Variants in MATN2 observed in about 807,000 individuals in gnomAD.
MATN2 encodes matrilin-2.
Under a neutral mutation model 103.2 loss-of-function variants are expected in MATN2, and 69 were observed. The observed-to-expected ratio is 0.67, with a 90% confidence interval of 0.55 to 0.82. MATN2 has a LOEUF of 0.82. MATN2 is among the 40% of genes least tolerant of loss of function. MATN2 has a pLI of 0.00. For synonymous variants in MATN2, 429 were observed against 450.2 expected, an observed-to-expected ratio of 0.95 and a Z score of 0.60; for missense variants, 1,023 against 1,211.5, an observed-to-expected ratio of 0.84 and a Z score of 2.31.
At chr8:98,000,684 T>C (rs1284659836) in intron 7 of MATN2, among the ~76,000 whole-genome samples, 1 of 151,808 alleles carries the variant, frequency 6.6e-6, no homozygotes, top group African/African-American at 2.4e-5. Context: ...TGGCACAGCA[T>C]CTGGCATTCA....
At chr8:97,947,085 A>G (rs1810776495) in intron 4 of MATN2, among the ~76,000 whole-genome samples, 1 of 152,210 alleles carries the variant, frequency 6.6e-6, no homozygotes. Flanking sequence ...ATAATTAATC[A>G]TAGTGGCGAG....
rs1812870862 is a variant in MATN2, at chr8:98,003,906, A to G, written c.1327+123A>G. The G allele has an allele frequency of 1.4e-5, 14 of 1,011,782 alleles. 1 individual carries two copies. In the Middle Eastern group the frequency reaches 3.9e-3, roughly 285 times the overall value. The allele number at this position is 1,011,782 out of a possible 1,614,324, so 62.7% of individuals were successfully genotyped here. A position where few individuals can be genotyped will look rare whatever the true frequency, so the allele number is the denominator to read the frequency against. On this transcript the variant is annotated intron_variant, in intron 8 of 18. Coordinates refer to ENST00000254898, the MANE Select transcript of MATN2 (RefSeq NM_002380.5). ...GGTTTCCTGATGGTCTGTCAGGTGT[A>G]TCCTTCCTTATCCTCAGTTTCATCA...
chr8:97,951,784 T>C (rs1266245553), intron 4 of MATN2, among the ~76,000 whole-genome samples: 1 of 152,248 alleles, frequency 6.6e-6, no homozygotes, highest in African/African-American at 2.4e-5. Context: ...CAGATTTCAC[T>C]GTATTTTAGA....
chr8:97,998,582 T>A (rs1195273475), intron 7 of MATN2, among the ~76,000 whole-genome samples: 2 of 151,302 alleles, frequency 1.3e-5, no homozygotes, highest in African/African-American at 2.4e-5. Context: ...TTTAATTTTT[T>A]AAAAATGTTT....
chr8:97,923,149 T>C (rs1397189821), intron 2 of MATN2, among the ~76,000 whole-genome samples: 2 of 151,938 alleles, frequency 1.3e-5, no homozygotes, highest in Non-Finnish European at 2.9e-5. Flanking sequence ...TTTCTTAAAC[T>C]CCTGCTAGCT....
At chr8:98,030,426 C>CT in intron 14 of MATN2, 36 bp from the exon 15 acceptor site, 1 of 1,588,192 alleles carries the variant, frequency 6.3e-7, no homozygotes, top group Middle Eastern at 1.7e-4. Flanking sequence ...GAACACAACT[C>CT]TAACTAACTT....
chr8:97,978,207 T>C (rs2130308318), intron 5 of MATN2, among the ~76,000 whole-genome samples: 1 of 152,342 alleles, frequency 6.6e-6, no homozygotes, highest in East Asian at 1.9e-4. Flanking sequence ...TACATTTTTG[T>C]TCATTACACA....
chr8:97,993,281 G>A (rs1031816846), intron 6 of MATN2, among the ~76,000 whole-genome samples: 1 of 151,920 alleles, frequency 6.6e-6, no homozygotes, highest in Non-Finnish European at 1.5e-5. Context: ...CAAATTATTT[G>A]TTAGGAAGAT....
At chr8:98,018,659 C>T (rs1465422050) in intron 12 of MATN2, among the ~76,000 whole-genome samples, 3 of 152,194 alleles carry the variant, frequency 2.0e-5, no homozygotes, top group Admixed American at 6.5e-5. Context: ...GCACATCTCA[C>T]ATGGTGGCAG....
intron 4 of MATN2, among the ~76,000 whole-genome samples, chr8:97,945,581 A>G (rs1377941584): frequency 6.6e-6 from 1 of 152,034 alleles, no homozygotes; most frequent in African/African-American, 2.4e-5. Context: ...CAGGACTAAC[A>G]TTCAACAGAT....
At chr8:98,003,388 T>A (rs1361777477) in intron 7 of MATN2, among the ~76,000 whole-genome samples, 2 of 152,202 alleles carry the variant, frequency 1.3e-5, no homozygotes, top group Non-Finnish European at 2.9e-5. Flanking sequence ...GTGCTCTGCA[T>A]TGTCTTTTAG....
At chr8:97,895,116 G>T (rs1818766939) in intron 2 of MATN2, among the ~76,000 whole-genome samples, 1 of 152,054 alleles carries the variant, frequency 6.6e-6, no homozygotes, top group South Asian at 2.1e-4. Flanking sequence ...CATGTGATCT[G>T]CCCACCTAGG....
At position 98,007,411 on chromosome 8, in the gene MATN2, C is replaced by T; in HGVS notation, c.1451-68C>T. 1 of 1,582,068 alleles carries T rather than the reference C, an allele frequency of 6.3e-7. No individual in the cohort carries two copies. Among genetic ancestry groups the T allele is most frequent in the Non-Finnish European group, 8.6e-7 (1 of 1,157,122 alleles). ...GGGAGGGCGGGGTGAGCATGACGGT[C>T]ACTTGATCCAATCACTGTCGCCCAG... On this transcript the variant is annotated intron_variant, in intron 9 of 18. Coordinates refer to ENST00000254898, the MANE Select transcript of MATN2 (RefSeq NM_002380.5). This position sits in a 1 kb window ranked among gnomAD's most constrained non-coding sequence, Gnocchi z 4.2.
intron 2 of MATN2, among the ~76,000 whole-genome samples, chr8:97,905,744 C>G (rs1819146740): frequency 6.6e-6 from 1 of 152,134 alleles, no homozygotes; most frequent in Non-Finnish European, 1.5e-5. Context: ...CTCACTGCAA[C>G]CTTGACTTCC....
At chr8:97,969,725 C>T (rs897436003) in intron 5 of MATN2, among the ~76,000 whole-genome samples, 1 of 152,174 alleles carries the variant, frequency 6.6e-6, no homozygotes, top group African/African-American at 2.4e-5. Flanking sequence ...GAGAAAAAGC[C>T]ATCAACTTGA....
chr8:97,933,546 G>A (rs187596517), intron 3 of MATN2, among the ~76,000 whole-genome samples: 185 of 107,064 alleles, frequency 1.7e-3, no homozygotes, highest in African/African-American at 6.3e-3. Context: ...CGCAATCCTG[G>A]TGTCGAATAG....
At chr8:97,884,634 G>C (rs67013834) in intron 1 of MATN2, among the ~76,000 whole-genome samples, 9,086 of 152,154 alleles carry the variant, frequency 0.06, 298 homozygotes, top group African/African-American at 0.089. Flanking sequence ...AGCTGGGCAT[G>C]GTGTGGCGCA....
chr8:97,936,396 A>G (rs1810369101), intron 3 of MATN2, among the ~76,000 whole-genome samples: 2 of 152,172 alleles, frequency 1.3e-5, no homozygotes, highest in South Asian at 4.1e-4. Flanking sequence ...CCCTAATAGT[A>G]TTCCTAGGAC....
intron 3 of MATN2, among the ~76,000 whole-genome samples, chr8:97,938,675 A>G (rs145518492): frequency 1.5e-4 from 23 of 152,338 alleles, no homozygotes; most frequent in African/African-American, 5.5e-4. Flanking sequence ...AATCTAAAAT[A>G]CAGCTAGTTT....
Sources: allele counts gnomAD v4.1 joint callset (sites outside exome capture counted in the v4.1 genomes callset), GRCh38; gene constraint gnomAD v4.1.1; non-coding constraint Gnocchi (gnomAD v3.1); transcripts MANE v1.5; gene names NCBI Gene and HGNC (gene_info 2026-07-23, HGNC 2026-07-21).